Variants in IFT57 observed in about 807,000 individuals in gnomAD.
IFT57 encodes the protein intraflagellar transport protein 57 homolog.
IFT57 carries 59 observed loss-of-function variants against 56.8 expected under a neutral mutation model. That is an observed-to-expected ratio of 1.04 (90% CI 0.84 to 1.29). IFT57 has a LOEUF of 1.29. Ranked by LOEUF, IFT57 falls within the 50% of genes most tolerant of loss-of-function variation. The pLI is 0.00. For missense variants in IFT57, 470 were observed against 522.1 expected (o/e 0.90, Z 0.97); for synonymous variants, 209 against 186.1 (o/e 1.12, Z -1.00).
intron 5 of IFT57, among the ~76,000 whole-genome samples, chr3:108,200,048 A>G (rs2080269237): frequency 6.6e-6 from 1 of 152,226 alleles, no homozygotes. Context: ...CTGTGTAGAC[A>G]ACAGTCAAAT....
At chr3:108,187,200 TG>T (rs2080188919) in intron 6 of IFT57, among the ~76,000 whole-genome samples, 1 of 152,330 alleles carries the variant, frequency 6.6e-6, no homozygotes, top group Admixed American at 6.5e-5. Context: ...TCTTCAGCTG[TG>T]AAGCATATTA....
intron 5 of IFT57, among the ~76,000 whole-genome samples, chr3:108,200,383 G>A (rs1011419833): frequency 2.0e-5 from 3 of 152,090 alleles, no homozygotes; most frequent in Non-Finnish European, 2.9e-5. Flanking sequence ...AATGACTACC[G>A]AGATGGCCTG....
At chr3:108,196,877 A>G (rs1233911500) in intron 5 of IFT57, among the ~76,000 whole-genome samples, 2 of 152,210 alleles carry the variant, frequency 1.3e-5, no homozygotes, top group Non-Finnish European at 2.9e-5. Context: ...TAATAACTTG[A>G]TACATTAACT....
At chr3:108,171,263 C>T (rs1189065863) in intron 6 of IFT57, among the ~76,000 whole-genome samples, 1 of 151,832 alleles carries the variant, frequency 6.6e-6, no homozygotes, top group African/African-American at 2.4e-5. Flanking sequence ...GATAAGCAAA[C>T]AGAGGCCTGG....
intron 6 of IFT57, among the ~76,000 whole-genome samples, chr3:108,186,129 A>C (rs1326565237): frequency 1.3e-5 from 2 of 152,152 alleles, no homozygotes; most frequent in African/African-American, 4.8e-5. Context: ...GATCCCCAAA[A>C]GAGAGAACAT....
intron 1 of IFT57, among the ~76,000 whole-genome samples, chr3:108,220,194 C>A (rs929628223): frequency 1.3e-5 from 2 of 152,328 alleles, no homozygotes; most frequent in Non-Finnish European, 2.9e-5. Context: ...GATTAAGAAC[C>A]TGTGAATGTC....
At position 108,160,827 on chromosome 3, in the gene IFT57, T is replaced by C. The variant is rs1295643316; in HGVS notation, c.*1650A>G. On this transcript the variant is annotated 3_prime_UTR_variant, in exon 11 of 11. Transcript: ENST00000264538. ...AATAACAATATAGTATAATAAGCTC[T>C]TTATTCAAGGTATGCACAGTGTTCT... The C allele has an allele frequency of 1.3e-5, 2 of 152,212 alleles. No individual in the cohort carries two copies. Among genetic ancestry groups the C allele is most frequent in the Non-Finnish European group, 2.9e-5 (2 of 68,028 alleles). The allele number at this position is 152,212 out of a possible 1,614,324, so 9.4% of individuals were successfully genotyped here.
In IFT57 at chr3:108,162,130, G is replaced by A. The variant is rs57535746; in HGVS notation, c.*347C>T. On this transcript the variant is annotated 3_prime_UTR_variant, in exon 11 of 11. Transcript: ENST00000264538. ...CAGAGGTGGAGCAAGGTAAAGGACTGTGTCAGCAGTTCATGTTGTGACAGC... is the reference window on the plus strand; with the variant it reads ...CAGAGGTGGAGCAAGGTAAAGGACTATGTCAGCAGTTCATGTTGTGACAGC... 0.097 allele frequency: 16,725 copies of A among 172,996 alleles called. 866 individuals carry two copies. Among genetic ancestry groups the A allele is most frequent in the Middle Eastern group, 0.11 (40 of 368 alleles). 10.7% of individuals were successfully genotyped at this position (172,996 alleles called of 1,614,324 possible).
At chr3:108,187,423 A>C (rs2080190236) in intron 6 of IFT57, among the ~76,000 whole-genome samples, 1 of 152,206 alleles carries the variant, frequency 6.6e-6, no homozygotes. Flanking sequence ...AAGCACATAC[A>C]TTGAAATACA....
At chr3:108,218,685 T>TTG in intron 2 of IFT57, 32 bp from the exon 3 acceptor site, 1 of 1,094,526 alleles carries the variant, frequency 9.1e-7, no homozygotes, top group East Asian at 2.6e-5. Flanking sequence ...AGGGTATTAT[T>TTG]TGTTAGTTAT....
At chr3:108,221,722 A>AG (rs71103465) in intron 1 of IFT57, among the ~76,000 whole-genome samples, 149,942 of 152,290 alleles carry the variant, frequency 0.98, 73,872 homozygotes, top group Non-Finnish European at 1. Context: ...TCTGGAGGCG[A>AG]ATTTTGGACG....
At chr3:108,172,648 T>C (rs1016934587) in intron 6 of IFT57, among the ~76,000 whole-genome samples, 4 of 151,766 alleles carry the variant, frequency 2.6e-5, no homozygotes, top group Admixed American at 2.0e-4. Flanking sequence ...AGGGACATTG[T>C]AGAGGCAGAA....
At chr3:108,190,763 T>C (rs1156635494) in intron 6 of IFT57, among the ~76,000 whole-genome samples, 1 of 152,194 alleles carries the variant, frequency 6.6e-6, no homozygotes, top group East Asian at 1.9e-4. Flanking sequence ...CTAAATCTTA[T>C]TAAATATGAC....
intron 9 of IFT57, among the ~76,000 whole-genome samples, chr3:108,164,513 A>T (rs1425921785): frequency 6.6e-6 from 1 of 152,102 alleles, no homozygotes; most frequent in Non-Finnish European, 1.5e-5. Context: ...TCATCCAAGT[A>T]AAGCAAATTA....
intron 6 of IFT57, among the ~76,000 whole-genome samples, chr3:108,182,257 G>C: frequency 6.6e-6 from 1 of 151,942 alleles, no homozygotes; most frequent in Non-Finnish European, 1.5e-5. Flanking sequence ...TTGGAATGAG[G>C]GGGAAAAAAT....
intron 1 of IFT57, among the ~76,000 whole-genome samples, chr3:108,220,009 AT>A (rs1203730024): frequency 2.0e-5 from 3 of 152,212 alleles, no homozygotes; most frequent in Admixed American, 6.5e-5. Context: ...TATGGTGAAC[AT>A]TTGTTTCTAT....
At chr3:108,171,447 C>T (rs950897531) in intron 6 of IFT57, among the ~76,000 whole-genome samples, 1 of 151,846 alleles carries the variant, frequency 6.6e-6, no homozygotes, top group Non-Finnish European at 1.5e-5. Context: ...TTCCTTTATC[C>T]TTAAGCATTT....
At chr3:108,165,164 A>T (rs2080054485) in intron 9 of IFT57, among the ~76,000 whole-genome samples, 1 of 150,238 alleles carries the variant, frequency 6.7e-6, no homozygotes, top group South Asian at 2.1e-4. Flanking sequence ...ATTATTATGT[A>T]AAAAATGTTG....
chr3:108,179,369 A>G (rs2080140259), intron 6 of IFT57, among the ~76,000 whole-genome samples: 1 of 151,960 alleles, frequency 6.6e-6, no homozygotes, highest in African/African-American at 2.4e-5. Context: ...GGGCAAGGAA[A>G]ATACCATGAT....
Sources: gnomAD v4.1 joint callset for allele counts (sites outside exome capture counted in the v4.1 genomes callset) on GRCh38, gnomAD v4.1.1 for gene constraint, MANE v1.5 for transcripts, NCBI Gene and HGNC (gene_info 2026-07-23, HGNC 2026-07-21) for gene names.